FBXW2: variants seen among roughly 807,000 people sequenced by gnomAD.
The protein encoded by FBXW2 is F-box and WD repeat domain containing 2.
Under a neutral mutation model 46.0 loss-of-function variants are expected in FBXW2, and 12 were observed. That is an observed-to-expected ratio of 0.26 (90% confidence interval 0.17 to 0.42). The LOEUF (loss-of-function observed/expected upper bound fraction) is 0.42, where lower values mean the gene tolerates loss of function less well. Ranked by LOEUF, FBXW2 falls within the 10% of genes least tolerant of loss-of-function variation. The pLI, the probability that FBXW2 is intolerant of heterozygous loss-of-function variation, is 1.00. For synonymous variants in FBXW2, 203 were observed against 209.6 expected, an observed-to-expected ratio of 0.97 and a Z score of 0.27; for missense variants, 360 against 537.0, an observed-to-expected ratio of 0.67 and a Z score of 3.26.
At chr9:120,792,663 G>A (rs759656454) in intron 2 of FBXW2, 3 of 239,934 alleles carry the variant, frequency 1.3e-5, no homozygotes, top group Non-Finnish European at 2.5e-5. Context: ...GTGACCTTGG[G>A]CAAATCACTT....
intron 5 of FBXW2, among the ~76,000 whole-genome samples, chr9:120,774,405 G>A (rs1009766551): frequency 4.0e-5 from 6 of 151,862 alleles, no homozygotes; most frequent in Non-Finnish European, 4.4e-5. Flanking sequence ...CTAGCTACTC[G>A]GGAGGCTGAG....
intron 3 of FBXW2, among the ~76,000 whole-genome samples, chr9:120,781,984 C>T (rs929578197): frequency 2.7e-5 from 4 of 148,398 alleles, no homozygotes; most frequent in African/African-American, 1.0e-4. Context: ...GATGGCGCCA[C>T]TGCACTCCAG....
rs1266195346 is a variant in FBXW2, at chr9:120,757,682, T to G, written c.*6877A>C. The G allele has an allele frequency of 1.3e-5, 2 of 152,176 alleles. No homozygotes were observed. Among genetic ancestry groups the G allele is most frequent in the Non-Finnish European group, 2.9e-5 (2 of 68,024 alleles). 9.4% of individuals were successfully genotyped at this position (152,176 alleles called of 1,614,324 possible). On this transcript the variant is annotated 3_prime_UTR_variant, in exon 8 of 8. Coordinates refer to ENST00000608872, the MANE Select transcript of FBXW2 (RefSeq NM_012164.4). ...AATGATAAAGGAGCTCTGGGTAATT[T>G]TCTCCATAAGTTTTTATTACTGTTA...
chr9:120,773,611 A>G (rs1185428578), intron 5 of FBXW2, among the ~76,000 whole-genome samples: 3 of 152,228 alleles, frequency 2.0e-5, no homozygotes, highest in African/African-American at 7.2e-5. Context: ...GGTTCTAGCT[A>G]TTTTTGCAAT....
In FBXW2 at chr9:120,781,098, G is replaced by A. The variant is rs143093380; in HGVS notation, c.491-2553C>T. Among the ~76,000 whole-genome samples the A allele has an allele frequency of 3.8e-3, 570 of 151,996 alleles. 3 individuals are homozygous for A. The highest frequency in any genetic ancestry group is 6.4e-3 in the Non-Finnish European group (435 of 67,984). ...ACCTAAGGATGAATAAGTTAGCCAGGCCAAAACAAAACAAAAGGAATAGTA... is the reference window on the plus strand; with the variant it reads ...ACCTAAGGATGAATAAGTTAGCCAGACCAAAACAAAACAAAAGGAATAGTA... On this transcript the variant is annotated intron_variant, in intron 3 of 7. Coordinates refer to ENST00000608872, the MANE Select transcript of FBXW2 (RefSeq NM_012164.4).
intron 3 of FBXW2, among the ~76,000 whole-genome samples, chr9:120,783,935 G>A (rs923238783): frequency 1.3e-5 from 2 of 152,020 alleles, no homozygotes; most frequent in Non-Finnish European, 2.9e-5. Flanking sequence ...CCAAATTCAG[G>A]GTTTCCCAAT....
At chr9:120,786,607 A>C (rs10985036) in intron 3 of FBXW2, among the ~76,000 whole-genome samples, 20,111 of 152,222 alleles carry the variant, frequency 0.13, 1,427 homozygotes, top group Middle Eastern at 0.17. Context: ...TATATTTACA[A>C]AAAGGAACAG....
chr9:120,787,208 C>T (rs949648895), intron 3 of FBXW2, among the ~76,000 whole-genome samples: 5 of 152,240 alleles, frequency 3.3e-5, no homozygotes, highest in African/African-American at 1.2e-4. Flanking sequence ...TTTCGTATTT[C>T]AGTAGAGACG....
At chr9:120,768,554 C>T (rs1299697576) in intron 7 of FBXW2, among the ~76,000 whole-genome samples, 3 of 152,068 alleles carry the variant, frequency 2.0e-5, no homozygotes, top group Admixed American at 6.6e-5. Flanking sequence ...AAGCCGGGTG[C>T]GGTGGCTCAT....
chr9:120,781,695 T>C (rs1005223208), intron 3 of FBXW2, among the ~76,000 whole-genome samples: 5 of 150,082 alleles, frequency 3.3e-5, no homozygotes, highest in African/African-American at 1.2e-4. Flanking sequence ...CACACATATA[T>C]ACATACATGG....
At position 120,772,799 on chromosome 9, in the gene FBXW2, A is replaced by G. The variant is rs762431795; in HGVS notation, c.861T>C (p.Ser287=). The G allele has an allele frequency of 6.2e-7, 1 of 1,606,394 alleles. No homozygotes were observed. Among genetic ancestry groups the G allele is most frequent in the Non-Finnish European group, 8.5e-7 (1 of 1,177,664 alleles). ...CACTTAAGAGGATGTAGTCTCCAGG[A>G]CTGTGCAAGAGAGACTTGACTTTGC... ...QKCKVKSLLH[S]PGDYILLSAD... is the part of the protein sequence containing the mutation. The change falls in exon 6 of 8, where the codon AGT becomes AGC. Residue 287 remains serine (S), a synonymous_variant. Transcript: ENST00000608872.
In FBXW2 at chr9:120,772,837, C is replaced by G. The variant is rs1219428711; in HGVS notation, c.823G>C (p.Val275Leu). 1 of 1,608,150 alleles carries G rather than the reference C, an allele frequency of 6.2e-7. No individual in the cohort carries two copies. Among genetic ancestry groups the G allele is most frequent in the Non-Finnish European group, 8.5e-7 (1 of 1,175,154 alleles). ...GACTTGACTTTGCACTTCTGCAAAA[C>G]TACCTGCAAATGTAAACCATGTTAC... ...TGHTEWVTKVVLQKCKVKSLL... is the reference protein window; with the variant it reads ...TGHTEWVTKVLLQKCKVKSLL... Residue 275 changes from valine (V) to leucine (L), a missense_variant, in exon 6 of 8, where the codon GTT (valine) becomes CTT (leucine). Val to Leu is a conservative substitution (Grantham distance 32). Coordinates refer to ENST00000608872, the MANE Select transcript of FBXW2 (RefSeq NM_012164.4).
In FBXW2 at chr9:120,776,154, C is replaced by G; in HGVS notation, c.758G>C (p.Trp253Ser). The G allele has an allele frequency of 6.2e-7, 1 of 1,614,140 alleles. No individual in the cohort carries two copies. The highest frequency in any genetic ancestry group is 8.5e-7 in the Non-Finnish European group (1 of 1,180,032). ...CAGGCATGTCCCAGCAGATAAAGCC[C>G]ATACTTTCACAGTGAAGTCTGCAGA... ...SGSADFTVKV[W>S]ALSAGTCLNT... Residue 253 changes from tryptophan to serine, a missense_variant, in exon 5 of 8, where the codon TGG becomes TCG. Trp to Ser is a radical substitution (Grantham distance 177). Coordinates refer to ENST00000608872, the MANE Select transcript of FBXW2 (RefSeq NM_012164.4).
rs1160488498 is a variant in FBXW2, at chr9:120,793,221, C to A, written c.-93G>T. ...ACTAGGCACGCTCGGACCGCCAGAG[C>A]CTTGCAGCGGCCGGGTCCGCTCCGC... On this transcript the variant is annotated 5_prime_UTR_variant, in exon 2 of 8. Transcript: ENST00000608872. The A allele has an allele frequency of 3.7e-6, 2 of 537,540 alleles. No homozygotes were observed. Among genetic ancestry groups the A allele is most frequent in the Non-Finnish European group, 6.6e-6 (2 of 305,214 alleles). The allele number at this position is 537,540 out of a possible 1,614,324, so 33.3% of individuals were successfully genotyped here. A position where few individuals can be genotyped will look rare whatever the true frequency, so the allele number is the denominator to read the frequency against.
intron 3 of FBXW2, among the ~76,000 whole-genome samples, chr9:120,781,036 C>CAA (rs776751730): frequency 1.0e-4 from 11 of 108,972 alleles, no homozygotes; most frequent in African/African-American, 1.7e-4. Flanking sequence ...AATATCATGG[C>CAA]AAAAAAAAAA....
At chr9:120,776,677 A>G (rs1273183252) in intron 4 of FBXW2, 1 of 154,394 alleles carries the variant, frequency 6.5e-6, no homozygotes, top group African/African-American at 2.4e-5. Flanking sequence ...GAGAGAAAAA[A>G]CAAAACAAAA....
At position 120,761,661 on chromosome 9, in the gene FBXW2, A is replaced by C. The variant is rs1413988585; in HGVS notation, c.*2898T>G. 1 of 152,206 alleles carries C rather than the reference A, an allele frequency of 6.6e-6. No homozygotes were observed. The highest frequency in any genetic ancestry group is 2.4e-5 in the African/African-American group (1 of 41,446). The allele number at this position is 152,206 out of a possible 1,614,324, so 9.4% of individuals were successfully genotyped here. A position where few individuals can be genotyped will look rare whatever the true frequency, so the allele number is the denominator to read the frequency against. On this transcript the variant is annotated 3_prime_UTR_variant, in exon 8 of 8. Coordinates refer to ENST00000608872, the MANE Select transcript of FBXW2 (RefSeq NM_012164.4). The stretch of plus-strand genomic sequence containing the variant: ...TGAATAAACCCAGCATCTATAAAGT[A>C]GTTGAATAAAATCTCAGGCCAAATA...
In FBXW2 at chr9:120,758,144, T is replaced by C. The variant is rs957800776; in HGVS notation, c.*6415A>G. 1 of 152,202 alleles carries C rather than the reference T, an allele frequency of 6.6e-6. No homozygotes were observed. The highest frequency in any genetic ancestry group is 1.5e-5 in the Non-Finnish European group (1 of 68,030). The allele number at this position is 152,202 out of a possible 1,614,324, so 9.4% of individuals were successfully genotyped here. A position where few individuals can be genotyped will look rare whatever the true frequency, so the allele number is the denominator to read the frequency against. On this transcript the variant is annotated 3_prime_UTR_variant, in exon 8 of 8. Transcript: ENST00000608872. ...ACTGCAAAAGGTACAACAGTATTTATTGCTAAATGAACTGCACCACTAACC... is the reference window on the plus strand; with the variant it reads ...ACTGCAAAAGGTACAACAGTATTTACTGCTAAATGAACTGCACCACTAACC...
At position 120,773,091 on chromosome 9, in the gene FBXW2, G is replaced by A. The variant is rs189080628; in HGVS notation, c.820-251C>T. Among the ~76,000 whole-genome samples the A allele has an allele frequency of 5.9e-5, 9 of 152,154 alleles. No homozygotes were observed. In the East Asian group the frequency reaches 1.7e-3, roughly 29 times the overall value. ...AATCCCAGTGACTCGGAAGGCTGAG[G>A]TGGGAGGATTGCTTGAGCCCAGGAG... On this transcript the variant is annotated intron_variant, in intron 5 of 7. Coordinates refer to ENST00000608872, the MANE Select transcript of FBXW2 (RefSeq NM_012164.4).
Sources: gnomAD v4.1 joint callset for allele counts (sites outside exome capture counted in the v4.1 genomes callset) on GRCh38, gnomAD v4.1.1 for gene constraint, MANE v1.5 for transcripts, NCBI Gene and HGNC (gene_info 2026-07-23, HGNC 2026-07-21) for gene names.